TBC1D19: variants seen among roughly 807,000 people sequenced by gnomAD.
TBC1D19 encodes TBC1 domain family member 19, also known as TBC1 domain family, member 19.
A neutral mutation model predicts 89.0 loss-of-function variants in TBC1D19; 60 were observed. The observed-to-expected ratio is 0.67, with a 90% CI of 0.55 to 0.84. TBC1D19 has a LOEUF of 0.84. TBC1D19 is among the 40% of genes least tolerant of loss of function. The probability of loss-of-function intolerance (pLI) is 0.00; values close to 1 mark genes in which losing one functional copy is unlikely to be tolerated. For synonymous variants in TBC1D19, 189 were observed against 199.7 expected (o/e 0.95, Z 0.45); for missense variants, 500 against 610.8 (o/e 0.82, Z 1.91).
At chr4:26,650,655 C>T (rs1447107264) in intron 7 of TBC1D19, among the ~76,000 whole-genome samples, 3 of 152,092 alleles carry the variant, frequency 2.0e-5, no homozygotes, top group East Asian at 3.8e-4. Flanking sequence ...TTCTCCCATT[C>T]TGTAGGTTGC....
intron 4 of TBC1D19, among the ~76,000 whole-genome samples, chr4:26,627,577 C>CCT (rs1459203353): frequency 5.8e-4 from 88 of 152,174 alleles, no homozygotes; most frequent in Non-Finnish European, 1.0e-3. Context: ...TTAATGATTG[C>CCT]CATTCTAACT....
At chr4:26,684,313 A>G (rs1423408875) in intron 12 of TBC1D19, among the ~76,000 whole-genome samples, 2 of 152,214 alleles carry the variant, frequency 1.3e-5, no homozygotes, top group African/African-American at 4.8e-5. Flanking sequence ...ATAGAAAGCC[A>G]AGCACCAAAG....
chr4:26,739,958 C>A lies in TBC1D19; in HGVS notation c.1212C>A (p.Ile404=). ...GTTTTTTCTTCAGACTCCATTCCAT[C>A]TCTTCTCATCCTTCTGTAAGTTCAT... ...YVRFFFRLHS[I]SSHPSGIVSL... Residue 404 remains isoleucine (I), a synonymous_variant, in exon 17 of 21, where the codon ATC becomes ATA. Coordinates refer to ENST00000264866, the MANE Select transcript of TBC1D19 (RefSeq NM_018317.4). The A allele has an allele frequency of 6.3e-7, 1 of 1,582,666 alleles. No individual in the cohort carries two copies. Among genetic ancestry groups the A allele is most frequent in the Non-Finnish European group, 8.6e-7 (1 of 1,163,554 alleles).
chr4:26,588,126 C>T (rs967608290), intron 1 of TBC1D19, among the ~76,000 whole-genome samples: 5 of 150,744 alleles, frequency 3.3e-5, no homozygotes, highest in Non-Finnish European at 5.9e-5. Context: ...CCCGGGTTCA[C>T]GCCATTCTTC....
the TBC1D19 span, among the ~76,000 whole-genome samples, chr4:26,812,770 T>C: frequency 6.6e-6 from 1 of 150,846 alleles, no homozygotes; most frequent in East Asian, 1.9e-4. This position sits in a 1 kb window ranked among gnomAD's most constrained non-coding sequence, Gnocchi z 4.2. Context: ...AGGATATATA[T>C]ATAAAAAATA....
At chr4:26,599,462 C>T (rs552017870) in intron 1 of TBC1D19, among the ~76,000 whole-genome samples, 54 of 152,194 alleles carry the variant, frequency 3.5e-4, no homozygotes, top group Admixed American at 8.5e-4. Context: ...TATTTCACAG[C>T]CAAATATAAG....
chr4:26,759,786 G>T (rs182365477), downstream of TBC1D19, among the ~76,000 whole-genome samples: 8 of 152,320 alleles, frequency 5.3e-5, no homozygotes, highest in South Asian at 1.0e-3. Flanking sequence ...TTATGTGATA[G>T]TAGTTCATTC....
At chr4:26,605,315 G>T (rs1292959312) in intron 1 of TBC1D19, among the ~76,000 whole-genome samples, 8 of 145,252 alleles carry the variant, frequency 5.5e-5, no homozygotes, top group Non-Finnish European at 3.0e-5. Context: ...TTGGTTTTTT[G>T]TCCTTGTGAT....
Position 26,694,918 on chromosome 4 carries a change from G to A in TBC1D19, c.954+6511G>A, listed in dbSNP as rs1413458322. ...ACGTCACCATCATCAAAGACCAAAGGTAGATAAAACCACAAAGATGGGGAA... is the reference window on the plus strand; with the variant it reads ...ACGTCACCATCATCAAAGACCAAAGATAGATAAAACCACAAAGATGGGGAA... On this transcript the variant is annotated intron_variant, in intron 13 of 20. Coordinates refer to ENST00000264866, the MANE Select transcript of TBC1D19 (RefSeq NM_018317.4). 2.6e-5 allele frequency among the ~76,000 whole-genome samples: 4 copies of A among 152,116 alleles called. No homozygotes were observed. In the East Asian group the frequency reaches 5.8e-4, roughly 22 times the overall value.
chr4:26,826,895 A>G, the TBC1D19 span, among the ~76,000 whole-genome samples: 2 of 152,162 alleles, frequency 1.3e-5, no homozygotes, highest in Non-Finnish European at 2.9e-5. Context: ...AACTGTTATG[A>G]AACCGGAAAG....
the TBC1D19 span, among the ~76,000 whole-genome samples, chr4:26,824,392 A>G: frequency 0.054 from 8,223 of 152,286 alleles, 720 homozygotes; most frequent in African/African-American, 0.19. Context: ...ATCTTTTCAC[A>G]GTAATATATT....
At chr4:26,615,862 G>T (rs377147632) in intron 3 of TBC1D19, among the ~76,000 whole-genome samples, 1 of 152,104 alleles carries the variant, frequency 6.6e-6, no homozygotes, top group African/African-American at 2.4e-5. Context: ...ATGTACTAAA[G>T]GTGCCTGTTG....
In TBC1D19 at chr4:26,653,137, C is replaced by T. The variant is rs533553532; in HGVS notation, c.481-6460C>T. Among the ~76,000 whole-genome samples the T allele has an allele frequency of 6.6e-5, 10 of 152,160 alleles. 1 individual carries two copies. The highest frequency in any genetic ancestry group is 6.2e-4 in the South Asian group (3 of 4,826). ...CATTTCGTTATGTACCCAGTAGTCA[C>T]TCAGGAGCAGGTTGTTCAGTTTCCA... On this transcript the variant is annotated intron_variant, in intron 7 of 20. Coordinates refer to ENST00000264866, the MANE Select transcript of TBC1D19 (RefSeq NM_018317.4).
At chr4:26,782,185 T>C in the TBC1D19 span, among the ~76,000 whole-genome samples, 1 of 152,336 alleles carries the variant, frequency 6.6e-6, no homozygotes, top group South Asian at 2.1e-4. Flanking sequence ...ACCCAAAATT[T>C]GGTTCAGATG....
At chr4:26,635,042 T>C (rs1743038061) in intron 4 of TBC1D19, among the ~76,000 whole-genome samples, 1 of 152,142 alleles carries the variant, frequency 6.6e-6, no homozygotes, top group African/African-American at 2.4e-5. Flanking sequence ...GCATGAGTGA[T>C]TGAAAATGAG....
At chr4:26,804,399 G>T in the TBC1D19 span, among the ~76,000 whole-genome samples, 1 of 152,320 alleles carries the variant, frequency 6.6e-6, no homozygotes, top group South Asian at 2.1e-4. Flanking sequence ...ACTGGCTTCG[G>T]CCTCCCAAAG....
At chr4:26,594,262 T>C (rs973831247) in intron 1 of TBC1D19, among the ~76,000 whole-genome samples, 1 of 152,114 alleles carries the variant, frequency 6.6e-6, no homozygotes, top group Non-Finnish European at 1.5e-5. Context: ...ACACTGCATG[T>C]TCTCACTCAT....
chr4:26,639,675 C>T (rs1241444847), intron 6 of TBC1D19, among the ~76,000 whole-genome samples: 1 of 152,110 alleles, frequency 6.6e-6, no homozygotes, highest in African/African-American at 2.4e-5. Context: ...ACCCTTCCTC[C>T]TCCCCTTCCT....
At chr4:26,609,932 T>G (rs1238880683) in intron 1 of TBC1D19, among the ~76,000 whole-genome samples, 3 of 152,020 alleles carry the variant, frequency 2.0e-5, no homozygotes, top group Non-Finnish European at 4.4e-5. Flanking sequence ...TGCAATGTAA[T>G]GAGATAGATG....
Sources: gnomAD v4.1 joint callset for allele counts (sites outside exome capture counted in the v4.1 genomes callset) on GRCh38, gnomAD v4.1.1 for gene constraint, Gnocchi (gnomAD v3.1) non-coding constraint, MANE v1.5 for transcripts, NCBI Gene and HGNC (gene_info 2026-07-23, HGNC 2026-07-21) for gene names.